The following MEGF11 variants were observed in gnomAD, a reference collection of about 807,000 sequenced individuals.
MEGF11 encodes multiple EGF like domains 11.
A neutral mutation model predicts 146.6 loss-of-function variants in MEGF11; 126 were observed. That is an observed-to-expected ratio of 0.86 (90% CI 0.74 to 1.00). MEGF11 has a LOEUF of 1.00. Among genes scored for constraint, MEGF11 ranks in the 50% least tolerant of loss-of-function variants. The pLI is 0.00. For missense variants in MEGF11, 1,509 were observed against 1,521.2 expected, an observed-to-expected ratio of 0.99 and a Z score of 0.13; for synonymous variants, 532 against 583.4, an observed-to-expected ratio of 0.91 and a Z score of 1.27.
At chr15:66,133,991 T>C (rs1025402904) in intron 1 of MEGF11, among the ~76,000 whole-genome samples, 2 of 152,092 alleles carry the variant, frequency 1.3e-5, no homozygotes, top group African/African-American at 4.8e-5. Context: ...TCCACCACCC[T>C]GATAAATTCT....
At chr15:66,188,556 G>T (rs2090776087) in intron 1 of MEGF11, among the ~76,000 whole-genome samples, 1 of 152,174 alleles carries the variant, frequency 6.6e-6, no homozygotes, top group Non-Finnish European at 1.5e-5. Context: ...CCCCATACTG[G>T]CTTGGTTCTG....
intron 5 of MEGF11, among the ~76,000 whole-genome samples, chr15:66,009,693 C>G (rs968861866): frequency 6.6e-6 from 1 of 151,578 alleles, no homozygotes; most frequent in Non-Finnish European, 1.5e-5. Context: ...CCCGGGTTCA[C>G]GCCATTCTCC....
chr15:65,966,245 C>T (rs1200464818), intron 8 of MEGF11, among the ~76,000 whole-genome samples: 3 of 152,288 alleles, frequency 2.0e-5, no homozygotes, highest in Admixed American at 1.3e-4. Flanking sequence ...CCGCCTGCCT[C>T]GGTCTCCCAA....
At chr15:66,069,835 G>A (rs1204619020) in intron 5 of MEGF11, among the ~76,000 whole-genome samples, 1 of 152,242 alleles carries the variant, frequency 6.6e-6, no homozygotes. Flanking sequence ...GAGCAAGACA[G>A]TCCCTGTCAC....
chr15:65,924,702 C>T (rs1344576185), intron 13 of MEGF11, among the ~76,000 whole-genome samples: 2 of 147,302 alleles, frequency 1.4e-5, no homozygotes, highest in African/African-American at 5.0e-5. Context: ...GATCTTGGCT[C>T]ATGGCAACCT....
chr15:66,048,819 T>C lies in MEGF11; in HGVS notation c.394+45583A>G, dbSNP rs116976235. Among the ~76,000 whole-genome samples the C allele has an allele frequency of 6.6e-5, 10 of 152,312 alleles. No homozygotes were observed. In the South Asian group the frequency reaches 1.2e-3, roughly 19 times the overall value. ...GAATTGACAGATAAAATCCTAACGC[T>C]ATCCCCTTGTAGAAATTTCTGGGGC... On this transcript the variant is annotated intron_variant, in intron 5 of 25. Transcript: ENST00000395614.
Position 66,231,967 on chromosome 15 carries a change from C to G in MEGF11, c.-9+21638G>C, listed in dbSNP as rs116290458. Among the ~76,000 whole-genome samples, 664 of 152,324 alleles carry G rather than the reference C, an allele frequency of 4.4e-3. 5 individuals carry two copies. The highest frequency in any genetic ancestry group is 0.015 in the African/African-American group (615 of 41,572). ...CCCCAACAACCCTACAAGTTAGGTT[C>G]TATTTCAAGCCCATTTTACAGATGG... On this transcript the variant is annotated intron_variant, in intron 1 of 25. Coordinates refer to ENST00000395614, the MANE Select transcript of MEGF11 (RefSeq NM_001385028.1).
At chr15:66,187,075 T>G (rs1201174119) in intron 1 of MEGF11, among the ~76,000 whole-genome samples, 1 of 152,244 alleles carries the variant, frequency 6.6e-6, no homozygotes, top group Non-Finnish European at 1.5e-5. Context: ...AAGGATGAAC[T>G]AAGATGAAAT....
intron 3 of MEGF11, among the ~76,000 whole-genome samples, chr15:66,123,363 C>T (rs116429699): frequency 1.6e-3 from 241 of 152,336 alleles, no homozygotes; most frequent in African/African-American, 5.3e-3. Context: ...GGGGCTACAT[C>T]TGCTCAGGGC....
intron 5 of MEGF11, among the ~76,000 whole-genome samples, chr15:66,056,063 C>T (rs889041744): frequency 6.6e-6 from 1 of 152,122 alleles, no homozygotes; most frequent in African/African-American, 2.4e-5. Flanking sequence ...GTTAGAAATG[C>T]AGAGTGTCAG....
chr15:66,104,406 A>G (rs2086970045), intron 4 of MEGF11, among the ~76,000 whole-genome samples: 1 of 152,258 alleles, frequency 6.6e-6, no homozygotes, highest in African/African-American at 2.4e-5. Flanking sequence ...CCCTCTTACC[A>G]TAGTTACCAT....
chr15:65,909,610 C>T (rs1277117285), intron 22 of MEGF11, 130 bp downstream of exon 22: 2 of 916,612 alleles, frequency 2.2e-6, no homozygotes, highest in Admixed American at 4.7e-5. Context: ...TTGTGAGAGC[C>T]AAAATTTCTC....
chr15:66,218,453 G>A (rs937292456), intron 1 of MEGF11, among the ~76,000 whole-genome samples: 20 of 152,070 alleles, frequency 1.3e-4, no homozygotes, highest in African/African-American at 4.6e-4. Context: ...CCCCAAACTC[G>A]ATTTTCCCAT....
At chr15:66,020,991 C>CAAAAAAAAAAAAAAAAAAAA (rs35364286) in intron 5 of MEGF11, among the ~76,000 whole-genome samples, 1 of 70,786 alleles carries the variant, frequency 1.4e-5, no homozygotes, top group African/African-American at 5.6e-5. Context: ...AACTCCATCT[C>CAAAAAAAAAAAAAAAAAAAA]AAAAAAAAAA....
intron 5 of MEGF11, among the ~76,000 whole-genome samples, chr15:66,036,747 A>C (rs1316008646): frequency 6.6e-6 from 1 of 152,222 alleles, no homozygotes; most frequent in Non-Finnish European, 1.5e-5. Flanking sequence ...GGGAGCCTTA[A>C]ACATAAGCTG....
chr15:66,180,299 T>A (rs915379805), intron 1 of MEGF11, among the ~76,000 whole-genome samples: 2 of 152,180 alleles, frequency 1.3e-5, no homozygotes, highest in African/African-American at 4.8e-5. Flanking sequence ...GCTGCACCCC[T>A]AGGACCTGAG....
intron 13 of MEGF11, among the ~76,000 whole-genome samples, chr15:65,924,754 T>A (rs1473370518): frequency 6.6e-6 from 1 of 151,496 alleles, no homozygotes; most frequent in African/African-American, 2.4e-5. Context: ...GCCTTCCGAG[T>A]AGCTGGGATT....
chr15:65,911,005 G>C (rs1281772522), intron 21 of MEGF11, among the ~76,000 whole-genome samples: 1 of 152,202 alleles, frequency 6.6e-6, no homozygotes, highest in Non-Finnish European at 1.5e-5. Flanking sequence ...ACTCTGCCTG[G>C]TATGGGTCCG....
chr15:66,113,682 A>G (rs1042092992), intron 4 of MEGF11, among the ~76,000 whole-genome samples: 3 of 152,158 alleles, frequency 2.0e-5, no homozygotes, highest in Non-Finnish European at 4.4e-5. Context: ...TCACGAGGTC[A>G]GGAGATCGAG....
Sources: allele counts gnomAD v4.1 joint callset (sites outside exome capture counted in the v4.1 genomes callset), GRCh38; gene constraint gnomAD v4.1.1; transcripts MANE v1.5; gene names NCBI Gene and HGNC (gene_info 2026-07-23, HGNC 2026-07-21).